The following FAM174A variants were observed in gnomAD, a reference collection of about 807,000 sequenced individuals.
FAM174A encodes the protein family with sequence similarity 174 member A, also known as membrane protein FAM174A.
Under a neutral mutation model 14.3 loss-of-function variants are expected in FAM174A, and 14 were observed. The observed-to-expected ratio is 0.98, with a 90% CI of 0.65 to 1.53. FAM174A has a LOEUF of 1.53. Among genes scored for constraint, FAM174A ranks in the 40% most tolerant of loss-of-function variants. The probability of loss-of-function intolerance (pLI) is 0.00; values close to 1 mark genes in which losing one functional copy is unlikely to be tolerated. For synonymous variants in FAM174A, 108 were observed against 111.4 expected (o/e 0.97, Z 0.19); for missense variants, 241 against 249.6 (o/e 0.97, Z 0.23).
intron 2 of FAM174A, among the ~76,000 whole-genome samples, chr5:100,572,512 T>C (rs1048442446): frequency 2.0e-5 from 3 of 151,740 alleles, no homozygotes; most frequent in African/African-American, 4.9e-5. Context: ...TTCGGTTTTT[T>C]GTTCTTGCGA....
intron 1 of FAM174A, among the ~76,000 whole-genome samples, chr5:100,548,319 C>A (rs900339693): frequency 2.0e-5 from 3 of 151,922 alleles, no homozygotes; most frequent in Admixed American, 6.6e-5. Context: ...TTACAGTGAT[C>A]AAAATTAAGA....
At chr5:100,554,527 G>C (rs1746329740) in intron 1 of FAM174A, among the ~76,000 whole-genome samples, 1 of 151,974 alleles carries the variant, frequency 6.6e-6, no homozygotes, top group African/African-American at 2.4e-5. Flanking sequence ...ATGCTGGCCA[G>C]GCTTGTCACA....
intron 2 of FAM174A, among the ~76,000 whole-genome samples, chr5:100,562,701 T>C (rs12719287): frequency 0.06 from 9,118 of 151,838 alleles, 334 homozygotes; most frequent in African/African-American, 0.097. Context: ...TAGTTTGGGT[T>C]CTAGTGTTTG....
chr5:100,566,214 A>C (rs548505725), intron 2 of FAM174A, among the ~76,000 whole-genome samples: 4 of 145,248 alleles, frequency 2.8e-5, no homozygotes, highest in Non-Finnish European at 6.0e-5. Flanking sequence ...ATACTATTGA[A>C]TATTATTCAG....
intron 1 of FAM174A, among the ~76,000 whole-genome samples, chr5:100,546,462 T>C (rs1380222710): frequency 6.6e-6 from 1 of 152,168 alleles, no homozygotes. Flanking sequence ...CCAAAGGTCA[T>C]ATTGCTGGAA....
intron 2 of FAM174A, among the ~76,000 whole-genome samples, chr5:100,581,194 T>C (rs1747004198): frequency 6.6e-6 from 1 of 152,154 alleles, no homozygotes; most frequent in African/African-American, 2.4e-5. Context: ...CCTCCCAAAG[T>C]GCAGGGATTA....
At chr5:100,554,399 C>T (rs1318096975) in intron 1 of FAM174A, among the ~76,000 whole-genome samples, 1 of 148,468 alleles carries the variant, frequency 6.7e-6, no homozygotes, top group Non-Finnish European at 1.5e-5. Context: ...TCACTGCAGC[C>T]TCTGCCTCCC....
chr5:100,575,005 C>T (rs1236243549), intron 2 of FAM174A, among the ~76,000 whole-genome samples: 1 of 152,108 alleles, frequency 6.6e-6, no homozygotes, highest in African/African-American at 2.4e-5. Flanking sequence ...AAAACTGAGG[C>T]TTAGTTCAAA....
Position 100,535,952 on chromosome 5 carries a change from TC to T in FAM174A, c.423del (p.Arg142GlyfsTer5). 6.3e-7 allele frequency: 1 copy of T among 1,581,532 alleles called. No individual in the cohort carries two copies. Among genetic ancestry groups the T allele is most frequent in the Non-Finnish European group, 8.6e-7 (1 of 1,158,520 alleles). On this transcript the variant is annotated frameshift_variant, in exon 1 of 3. Coordinates refer to ENST00000312637, the MANE Select transcript of FAM174A (RefSeq NM_198507.3). LOFTEE classifies it high-confidence loss of function. Reference sequence around the variant, plus strand: ...GGCGCGGTGCTGGTGTACTTCGTGGTCAGGACGGTCAGGTGAGGCAAAGCCT... The same window carrying T: ...GGCGCGGTGCTGGTGTACTTCGTGGTAGGACGGTCAGGTGAGGCAAAGCCT... The part of the protein sequence containing the change: ...VSGAVLVYFV[V>X]RTVRMRRRNR...
At chr5:100,570,098 C>G (rs1277826318) in intron 2 of FAM174A, among the ~76,000 whole-genome samples, 1 of 151,866 alleles carries the variant, frequency 6.6e-6, no homozygotes, top group African/African-American at 2.4e-5. Flanking sequence ...CACACTAATT[C>G]TAGACATCTG....
intron 2 of FAM174A, among the ~76,000 whole-genome samples, chr5:100,573,343 A>T (rs1285382687): frequency 6.6e-6 from 1 of 151,766 alleles, no homozygotes; most frequent in East Asian, 1.9e-4. Context: ...TATGTCCTGA[A>T]TGGTAATGCC....
chr5:100,538,841 C>T (rs1580361214), intron 1 of FAM174A, among the ~76,000 whole-genome samples: 1 of 151,682 alleles, frequency 6.6e-6, no homozygotes, highest in East Asian at 1.9e-4. Flanking sequence ...AGGACATTCT[C>T]TCCACAGTAA....
At chr5:100,542,603 C>T (rs1746079912) in intron 1 of FAM174A, among the ~76,000 whole-genome samples, 1 of 152,104 alleles carries the variant, frequency 6.6e-6, no homozygotes, top group South Asian at 2.1e-4. Flanking sequence ...GATGGTGTTC[C>T]CTCTGAGATG....
At position 100,542,299 on chromosome 5, in the gene FAM174A, G is replaced by A. The variant is rs74517882; in HGVS notation, c.434+6335G>A. ...TGTTTTCAAGTTTAAGCTTGAAACAGTATTTTTATCCCTGGACAAATCTTG... is the reference window on the plus strand; with the variant it reads ...TGTTTTCAAGTTTAAGCTTGAAACAATATTTTTATCCCTGGACAAATCTTG... On this transcript the variant is annotated intron_variant, in intron 1 of 2. Transcript: ENST00000312637. Among the ~76,000 whole-genome samples the A allele has an allele frequency of 8.2e-3, 1,249 of 152,284 alleles. 14 individuals are homozygous for A. The highest frequency in any genetic ancestry group is 0.029 in the African/African-American group (1,187 of 41,550).
chr5:100,543,716 G>A (rs185518882), intron 1 of FAM174A, among the ~76,000 whole-genome samples: 22 of 152,146 alleles, frequency 1.4e-4, no homozygotes, highest in Non-Finnish European at 2.9e-4. Flanking sequence ...CAGCCTCCCC[G>A]AGTGGCTGGG....
chr5:100,540,595 A>T (rs1156305375), intron 1 of FAM174A, among the ~76,000 whole-genome samples: 30 of 152,202 alleles, frequency 2.0e-4, no homozygotes. Context: ...GCAAAGGTGA[A>T]ACTTCCCTTC....
chr5:100,566,524 T>C (rs1746655348), intron 2 of FAM174A, among the ~76,000 whole-genome samples: 1 of 151,780 alleles, frequency 6.6e-6, no homozygotes, highest in Non-Finnish European at 1.5e-5. Flanking sequence ...GCAATGTGAA[T>C]ATAGTTAACA....
intron 2 of FAM174A, among the ~76,000 whole-genome samples, chr5:100,567,435 G>T (rs1045945167): frequency 1.6e-4 from 24 of 151,726 alleles, no homozygotes; most frequent in African/African-American, 5.8e-4. Flanking sequence ...AGTTAGAGAG[G>T]TTAACAGTTT....
At chr5:100,574,270 C>G (rs1039635292) in intron 2 of FAM174A, among the ~76,000 whole-genome samples, 4 of 152,094 alleles carry the variant, frequency 2.6e-5, no homozygotes, top group African/African-American at 9.7e-5. Flanking sequence ...CTCACTGCAA[C>G]CTCTTTCTCC....
Sources: allele counts gnomAD v4.1 joint callset (sites outside exome capture counted in the v4.1 genomes callset), GRCh38; gene constraint gnomAD v4.1.1; transcripts MANE v1.5; gene names NCBI Gene and HGNC (gene_info 2026-07-23, HGNC 2026-07-21).